HLA-DMB: variants seen among roughly 807,000 people sequenced by gnomAD.
HLA-DMB encodes the protein HLA class II histocompatibility antigen, DM beta chain.
In HLA-DMB, 18 loss-of-function variants were observed where a neutral mutation model predicts 29.3. The ratio of observed to expected loss-of-function variants is 0.62; its 90% CI spans 0.43 to 0.91. The LOEUF (loss-of-function observed/expected upper bound fraction) is 0.91. Among genes scored for constraint, HLA-DMB ranks in the 40% least tolerant of loss-of-function variants. The probability of loss-of-function intolerance (pLI) is 0.00; values close to 1 mark genes in which losing one functional copy is unlikely to be tolerated. For missense variants in HLA-DMB, 258 were observed against 320.9 expected, an observed-to-expected ratio of 0.80 and a Z score of 1.50; for synonymous variants, 143 against 128.7, an observed-to-expected ratio of 1.11 and a Z score of -0.75.
In HLA-DMB at chr6:32,937,996, C is replaced by G. The variant is rs2022109; in HGVS notation, c.338-540G>C. Reference sequence around the variant, plus strand: ...AGATTGCTAATACTGCCATCTTTTACTAATTTACTCTCCTAGGTGATCCTC... The same window carrying G: ...AGATTGCTAATACTGCCATCTTTTAGTAATTTACTCTCCTAGGTGATCCTC... On this transcript the variant is annotated intron_variant, in intron 2 of 5. Transcript: ENST00000418107. The surrounding 1 kb of genome is among the most constrained non-coding windows in gnomAD (Gnocchi z 4.1). 6.5e-6 allele frequency: 1 copy of G among 153,992 alleles called. No individual in the cohort carries two copies. Among genetic ancestry groups the G allele is most frequent in the East Asian group, 1.9e-4 (1 of 5,220 alleles). The allele number at this position is 153,992 out of a possible 1,614,324, so 9.5% of individuals were successfully genotyped here.
chr6:32,940,948 C>G lies in HLA-DMB; in HGVS notation c.-141G>C. 1 of 588,940 alleles carries G rather than the reference C, an allele frequency of 1.7e-6. No homozygotes were observed. Among genetic ancestry groups the G allele is most frequent in the South Asian group, 2.2e-5 (1 of 45,724 alleles). The allele number at this position is 588,940 out of a possible 1,614,324, so 36.5% of individuals were successfully genotyped here. A position where few individuals can be genotyped will look rare whatever the true frequency, so the allele number is the denominator to read the frequency against. On this transcript the variant is annotated 5_prime_UTR_variant, in exon 1 of 6. Coordinates refer to ENST00000418107, the MANE Select transcript of HLA-DMB (RefSeq NM_002118.5). Reference sequence around the variant, plus strand: ...GCAGAATACTATATTGCCCGGGTCCCTTGACCCCCCAAATGAGTGATGTGG... The same window carrying G: ...GCAGAATACTATATTGCCCGGGTCCGTTGACCCCCCAAATGAGTGATGTGG...
At chr6:32,935,897 C>T (rs937397651) in intron 3 of HLA-DMB, 4 of 548,036 alleles carry the variant, frequency 7.3e-6, no homozygotes, top group Non-Finnish European at 1.3e-5. Context: ...CTTCCAGGTC[C>T]TCTCTAATAC....
rs1175191860 is a variant in HLA-DMB at position 32,934,905 on chromosome 6, GGCATGGTA to G, written c.*58_*65del. Reference sequence around the variant, plus strand: ...GTCAGGGGGTTGAAGATGTTGGAGAGGCATGGTAGCATCATTGAGTTTGAATCTCCTTC... The same window carrying G: ...GTCAGGGGGTTGAAGATGTTGGAGAGGCATCATTGAGTTTGAATCTCCTTC... On this transcript the variant is annotated 3_prime_UTR_variant, in exon 6 of 6. Coordinates refer to ENST00000418107, the MANE Select transcript of HLA-DMB (RefSeq NM_002118.5). 1.5e-5 allele frequency: 21 copies of G among 1,442,430 alleles called. No homozygotes were observed. In the East Asian group the frequency reaches 3.6e-4, roughly 25 times the overall value. The allele number at this position is 1,442,430 out of a possible 1,614,324, so 89.4% of individuals were successfully genotyped here.
At chr6:32,935,010 A>G in intron 5 of HLA-DMB, 23 bp from the exon 6 acceptor site, 1 of 1,612,620 alleles carries the variant, frequency 6.2e-7, no homozygotes, top group South Asian at 1.1e-5. Flanking sequence ...TAAAAGGGAG[A>G]TAATGAGGCT....
chr6:32,939,519 T>C (rs1477005282), intron 1 of HLA-DMB, among the ~76,000 whole-genome samples: 1 of 152,228 alleles, frequency 6.6e-6, no homozygotes, highest in African/African-American at 2.4e-5. Flanking sequence ...TAAAATATCC[T>C]TTGTTAAAGG....
Position 32,937,776 on chromosome 6 carries a change from T to A in HLA-DMB, c.338-320A>T, listed in dbSNP as rs1225828119. 2.9e-6 allele frequency: 1 copy of A among 345,000 alleles called. No individual in the cohort carries two copies. Among genetic ancestry groups the A allele is most frequent in the African/African-American group, 2.1e-5 (1 of 47,764 alleles). 21.4% of individuals were successfully genotyped at this position (345,000 alleles called of 1,614,324 possible). On this transcript the variant is annotated intron_variant, in intron 2 of 5. Transcript: ENST00000418107. The surrounding 1 kb of genome is among the most constrained non-coding windows in gnomAD (Gnocchi z 4.1). ...TATTTCAAGTACATAAACTGGAAAG[T>A]ATTTGAAATAAGGAAGCTAAGAGTA...
intron 3 of HLA-DMB, 34 bp from the exon 4 acceptor site, chr6:32,935,686 C>A (rs757550628): frequency 6.7e-7 from 1 of 1,495,292 alleles, no homozygotes; most frequent in Non-Finnish European, 9.3e-7. Context: ...GACCCAGTTT[C>A]TGTTGCTCAC....
Position 32,937,752 on chromosome 6 carries a change from A to AT in HLA-DMB, c.338-297dup. ...AGCTGTTCTAGAAGTTGTTGTATTT[A>AT]TTTCAAGTACATAAACTGGAAAGTA... On this transcript the variant is annotated intron_variant, in intron 2 of 5. Transcript: ENST00000418107. This position sits in a 1 kb window ranked among gnomAD's most constrained non-coding sequence, Gnocchi z 4.1. The AT allele has an allele frequency of 7.3e-6, 3 of 409,462 alleles. No homozygotes were observed. Among genetic ancestry groups the AT allele is most frequent in the Non-Finnish European group, 1.3e-5 (3 of 230,346 alleles). The allele number at this position is 409,462 out of a possible 1,614,324, so 25.4% of individuals were successfully genotyped here.
rs772546630 is a variant in HLA-DMB, at chr6:32,935,389, A to G, written c.740-12T>C. On this transcript the variant is annotated splice_polypyrimidine_tract_variant and intron_variant, in intron 4 of 5. Coordinates refer to ENST00000418107, the MANE Select transcript of HLA-DMB (RefSeq NM_002118.5). ...AAGAGGAGTGTAACCTAAGAGAGGA[A>G]GATACTTGATTATACCAGTCTTTGT... is the stretch of plus-strand genomic sequence containing the variant. The G allele has an allele frequency of 6.2e-7, 1 of 1,604,394 alleles. No homozygotes were observed. Among genetic ancestry groups the G allele is most frequent in the East Asian group, 2.2e-5 (1 of 44,834 alleles).
rs1182877101 is a variant in HLA-DMB, at chr6:32,940,842, C to A, written c.-35G>T. Reference sequence around the variant, plus strand: ...TGTAAAGATGCCGGGAGTTCAGTCCCCTGGACCAGCTCTTCCAGGGTCCGT... The same window carrying A: ...TGTAAAGATGCCGGGAGTTCAGTCCACTGGACCAGCTCTTCCAGGGTCCGT... On this transcript the variant is annotated 5_prime_UTR_variant, in exon 1 of 6. Transcript: ENST00000418107. 2 of 1,554,042 alleles carry A rather than the reference C, an allele frequency of 1.3e-6. No homozygotes were observed. Among genetic ancestry groups the A allele is most frequent in the East Asian group, 2.4e-5 (1 of 41,740 alleles).
intron 1 of HLA-DMB, among the ~76,000 whole-genome samples, chr6:32,939,810 T>C (rs534275620): frequency 6.6e-6 from 1 of 152,300 alleles, no homozygotes; most frequent in African/African-American, 2.4e-5. Context: ...TAAGCCACTT[T>C]AGCAAATTAC....
In HLA-DMB at chr6:32,937,045, C is replaced by T. The variant is rs1240341909; in HGVS notation, c.622+127G>A. Reference sequence around the variant, plus strand: ...CCATTTCCCCATTCTGGTCCTAAGCCCCCCGTAAGTTCCTCCAGACTCAGT... The same window carrying T: ...CCATTTCCCCATTCTGGTCCTAAGCTCCCCGTAAGTTCCTCCAGACTCAGT... On this transcript the variant is annotated intron_variant, in intron 3 of 5. Transcript: ENST00000418107. The surrounding 1 kb of genome is among the most constrained non-coding windows in gnomAD (Gnocchi z 4.1). 2.9e-6 allele frequency: 2 copies of T among 683,750 alleles called. No homozygotes were observed. The highest frequency in any genetic ancestry group is 4.7e-6 in the Non-Finnish European group (2 of 426,368). The allele number at this position is 683,750 out of a possible 1,614,324, so 42.4% of individuals were successfully genotyped here. A position where few individuals can be genotyped will look rare whatever the true frequency, so the allele number is the denominator to read the frequency against.
chr6:32,940,089 G>A (rs1288718890), intron 1 of HLA-DMB, among the ~76,000 whole-genome samples: 1 of 151,452 alleles, frequency 6.6e-6, no homozygotes, highest in Non-Finnish European at 1.5e-5. Context: ...GAAGTGTTGA[G>A]TGTGAGCATA....
At position 32,937,309 on chromosome 6, in the gene HLA-DMB, G is replaced by A. The variant is rs2071555; in HGVS notation, c.485C>T (p.Ala162Val). The A allele has an allele frequency of 0.022, 35,652 of 1,614,068 alleles. 489 individuals carry two copies. Among genetic ancestry groups the A allele is most frequent in the Non-Finnish European group, 0.026 (30,966 of 1,179,996 alleles). The change falls in exon 3 of 6, where the codon GCG (alanine) becomes GTG (valine). Residue 162 changes from alanine to valine, a missense_variant. Coordinates refer to ENST00000418107, the MANE Select transcript of HLA-DMB (RefSeq NM_002118.5). This position sits in a 1 kb window ranked among gnomAD's most constrained non-coding sequence, Gnocchi z 4.1. The stretch of plus-strand genomic sequence containing the variant: ...TCCATTGGGCTGGGCAGTCTTGTGC[G>A]CACTGCTGTGAGGCATGACAAGCTT... Reference protein sequence around the residue: ...NGKLVMPHSSAHKTAQPNGDW... With the variant: ...NGKLVMPHSSVHKTAQPNGDW...
At chr6:32,940,655 C>A in intron 1 of HLA-DMB, 98 bp downstream of exon 1, 1 of 826,072 alleles carries the variant, frequency 1.2e-6, no homozygotes, top group South Asian at 1.6e-5. Flanking sequence ...ACCAGGGAGA[C>A]AAACTATCTG....
intron 1 of HLA-DMB, among the ~76,000 whole-genome samples, chr6:32,939,678 A>G (rs1280286756): frequency 6.6e-6 from 1 of 152,246 alleles, no homozygotes; most frequent in East Asian, 1.9e-4. Context: ...TGATCTGATC[A>G]CTGTACATTA....
At chr6:32,936,937 G>T in intron 3 of HLA-DMB, 69 of 363,826 alleles carry the variant, frequency 1.9e-4, no homozygotes, top group Middle Eastern at 5.0e-4. Flanking sequence ...TGGTGCAAAA[G>T]TAATTGCGGT....
At chr6:32,935,746 T>C in intron 3 of HLA-DMB, 94 bp from the exon 4 acceptor site, 2 of 810,152 alleles carry the variant, frequency 2.5e-6, no homozygotes, top group East Asian at 2.5e-5. Flanking sequence ...GGTTAAAAGG[T>C]CCTTTATCCC....
intron 1 of HLA-DMB, among the ~76,000 whole-genome samples, chr6:32,939,736 A>G (rs6941206): frequency 0.022 from 3,366 of 152,348 alleles, 53 homozygotes; most frequent in South Asian, 0.038. Flanking sequence ...TATAATTATT[A>G]TTATCAATTA....
Sources: gnomAD v4.1 joint callset for allele counts (sites outside exome capture counted in the v4.1 genomes callset) on GRCh38, gnomAD v4.1.1 for gene constraint, Gnocchi (gnomAD v3.1) non-coding constraint, MANE v1.5 for transcripts, NCBI Gene and HGNC (gene_info 2026-07-23, HGNC 2026-07-21) for gene names.